Variants in TEX9 observed in about 807,000 individuals in gnomAD.
The protein encoded by TEX9 is testis expressed 9, also known as testis-expressed protein 9.
TEX9 carries 74 observed loss-of-function variants against 59.6 expected under a neutral mutation model. That is an observed-to-expected ratio of 1.24 (90% CI 1.03 to 1.51). The LOEUF is 1.51. Ranked by LOEUF, TEX9 falls within the 40% of genes most tolerant of loss-of-function variation. The probability of loss-of-function intolerance (pLI) is 0.00; values close to 1 mark genes in which losing one functional copy is unlikely to be tolerated. For synonymous variants in TEX9, 186 were observed against 152.2 expected, an observed-to-expected ratio of 1.22 and a Z score of -1.64; for missense variants, 522 against 447.8, an observed-to-expected ratio of 1.17 and a Z score of -1.49.
intron 1 of TEX9, among the ~76,000 whole-genome samples, chr15:56,285,693 T>C (rs2044936473): frequency 6.6e-6 from 1 of 152,246 alleles, no homozygotes; most frequent in Non-Finnish European, 1.5e-5. Flanking sequence ...TTATTCAGTA[T>C]TTTTTATGTT....
intron 10 of TEX9, among the ~76,000 whole-genome samples, chr15:56,416,474 G>A (rs2049691870): frequency 6.6e-6 from 1 of 151,726 alleles, no homozygotes; most frequent in Non-Finnish European, 1.5e-5. Context: ...GGTAATCGTG[G>A]TTTTTGTCTT....
intron 1 of TEX9, among the ~76,000 whole-genome samples, chr15:56,292,493 A>ATTTT (rs2045117644): frequency 6.6e-6 from 1 of 152,150 alleles, no homozygotes; most frequent in Admixed American, 6.5e-5. Flanking sequence ...AATAGCAACT[A>ATTTT]CAGCCTGGGA....
At chr15:56,288,728 T>C (rs1253448737) in intron 1 of TEX9, among the ~76,000 whole-genome samples, 3 of 152,196 alleles carry the variant, frequency 2.0e-5, no homozygotes, top group African/African-American at 4.8e-5. Flanking sequence ...CTTGTTTGTA[T>C]TGAATCTGAT....
chr15:56,439,129 A>T (rs1209274642), intron 12 of TEX9, among the ~76,000 whole-genome samples: 2 of 152,184 alleles, frequency 1.3e-5, no homozygotes, highest in African/African-American at 4.8e-5. Flanking sequence ...ATATCAATTC[A>T]CTAGCAACGA....
chr15:56,252,535 T>C (rs1389465369), intron 1 of TEX9, among the ~76,000 whole-genome samples: 2 of 152,134 alleles, frequency 1.3e-5, no homozygotes, highest in Admixed American at 6.5e-5. Context: ...TCCATGACTT[T>C]ACAAAAATTT....
chr15:56,384,177 G>A (rs1206213688), intron 4 of TEX9, 146 bp downstream of exon 4: 2 of 531,514 alleles, frequency 3.8e-6, no homozygotes, highest in African/African-American at 1.9e-5. Context: ...CAGACACAGT[G>A]CAAGCCCTTT....
chr15:56,288,073 T>G (rs529009768), intron 1 of TEX9, among the ~76,000 whole-genome samples: 135 of 152,270 alleles, frequency 8.9e-4, no homozygotes, highest in African/African-American at 3.2e-3. Flanking sequence ...ATAGTTGTAT[T>G]TTTAATTTTT....
chr15:56,285,175 T>C (rs1194870659), intron 1 of TEX9, among the ~76,000 whole-genome samples: 2 of 152,146 alleles, frequency 1.3e-5, no homozygotes, highest in African/African-American at 2.4e-5. Flanking sequence ...TTTTCGTTAG[T>C]GTGGGAGTGC....
chr15:56,324,505 G>T (rs192863483), intron 1 of TEX9, among the ~76,000 whole-genome samples: 1 of 152,088 alleles, frequency 6.6e-6, no homozygotes, highest in Non-Finnish European at 1.5e-5. Flanking sequence ...AACTGAGAGG[G>T]TTTGTTAATT....
chr15:56,355,481 C>T (rs1475150931), intron 1 of TEX9, among the ~76,000 whole-genome samples: 1 of 152,104 alleles, frequency 6.6e-6, no homozygotes, highest in African/African-American at 2.4e-5. Context: ...ATTTACATGT[C>T]TGCATTTTTT....
intron 1 of TEX9, among the ~76,000 whole-genome samples, chr15:56,283,062 G>GTGTT (rs1351422281): frequency 2.0e-5 from 3 of 151,316 alleles, no homozygotes; most frequent in African/African-American, 4.9e-5. Flanking sequence ...GTGTGTGTGT[G>GTGTT]TGTGTGTGTG....
chr15:56,356,691 T>G (rs1273427992), intron 1 of TEX9, among the ~76,000 whole-genome samples: 3 of 152,180 alleles, frequency 2.0e-5, no homozygotes, highest in African/African-American at 7.2e-5. Flanking sequence ...CTAAGATTAG[T>G]GAGGTTGAAT....
intron 1 of TEX9, among the ~76,000 whole-genome samples, chr15:56,273,945 G>A (rs2044609566): frequency 6.6e-6 from 1 of 152,034 alleles, no homozygotes; most frequent in Admixed American, 6.6e-5. Flanking sequence ...CCTGCTTATG[G>A]TTCTCTGACC....
chr15:56,267,646 G>C (rs1017009944), intron 1 of TEX9, among the ~76,000 whole-genome samples: 20 of 152,044 alleles, frequency 1.3e-4, no homozygotes, highest in Non-Finnish European at 2.4e-4. Flanking sequence ...GTAGATGTGT[G>C]GTGTTATTTC....
intron 1 of TEX9, among the ~76,000 whole-genome samples, chr15:56,253,295 A>C (rs1161031515): frequency 2.6e-5 from 4 of 152,134 alleles, no homozygotes; most frequent in African/African-American, 9.7e-5. Context: ...CAAGCAAAAA[A>C]ACCCCAAAAA....
intron 1 of TEX9, among the ~76,000 whole-genome samples, chr15:56,281,600 C>T (rs1320980843): frequency 3.9e-5 from 6 of 152,170 alleles, no homozygotes; most frequent in African/African-American, 1.4e-4. Context: ...GGCAATGGTC[C>T]CTGGTGCCAA....
chr15:56,418,869 TC>T (rs1310815273), intron 10 of TEX9, among the ~76,000 whole-genome samples: 1 of 151,940 alleles, frequency 6.6e-6, no homozygotes, highest in Non-Finnish European at 1.5e-5. Context: ...TTTAAAAACA[TC>T]CAATGAGCAT....
At chr15:56,381,502 A>G (rs2047724846) in intron 3 of TEX9, among the ~76,000 whole-genome samples, 1 of 152,170 alleles carries the variant, frequency 6.6e-6, no homozygotes, top group African/African-American at 2.4e-5. Context: ...TAAGTACTGT[A>G]GTCTTCACAG....
At chr15:56,454,045 G>A in the TEX9 span, among the ~76,000 whole-genome samples, 1 of 151,746 alleles carries the variant, frequency 6.6e-6, no homozygotes, top group Admixed American at 6.6e-5. Context: ...TATGGCTTGT[G>A]CACAAAATAA....
Sources: gnomAD v4.1 joint callset for allele counts (sites outside exome capture counted in the v4.1 genomes callset) on GRCh38, gnomAD v4.1.1 for gene constraint, MANE v1.5 for transcripts, NCBI Gene and HGNC (gene_info 2026-07-23, HGNC 2026-07-21) for gene names.